Variants in ASIC2 observed in about 807,000 individuals in gnomAD.
The protein encoded by ASIC2 is acid-sensing ion channel 2.
Under a neutral mutation model 57.3 loss-of-function variants are expected in ASIC2, and 25 were observed. That is an observed-to-expected ratio of 0.44 (90% CI 0.32 to 0.61). ASIC2 has a LOEUF of 0.61. Ranked by LOEUF, ASIC2 falls within the 20% of genes least tolerant of loss-of-function variation. The pLI, the probability that ASIC2 is intolerant of heterozygous loss-of-function variation, is 0.06. For missense variants in ASIC2, 641 were observed against 738.1 expected (o/e 0.87, Z 1.52); for synonymous variants, 319 against 307.5 (o/e 1.04, Z -0.39).
At chr17:33,811,766 G>T (rs899940032) in intron 1 of ASIC2, among the ~76,000 whole-genome samples, 3 of 152,168 alleles carry the variant, frequency 2.0e-5, no homozygotes, top group Non-Finnish European at 4.4e-5. Context: ...CTTGCCTAAG[G>T]TTTCCCTGCT....
intron 1 of ASIC2, among the ~76,000 whole-genome samples, chr17:33,356,706 C>T (rs1908387277): frequency 6.6e-6 from 1 of 152,170 alleles, no homozygotes; most frequent in African/African-American, 2.4e-5. Flanking sequence ...CCTGGCTGCA[C>T]AATTTGGATG....
chr17:33,902,541 C>T (rs1297263849), intron 1 of ASIC2, among the ~76,000 whole-genome samples: 2 of 152,208 alleles, frequency 1.3e-5, no homozygotes, highest in African/African-American at 4.8e-5. Context: ...ACATCTTTGT[C>T]CTTGTGGCTC....
At chr17:33,958,618 G>C (rs1366661762) in intron 1 of ASIC2, among the ~76,000 whole-genome samples, 2 of 152,146 alleles carry the variant, frequency 1.3e-5, no homozygotes, top group African/African-American at 2.4e-5. Context: ...ACCATGTCCA[G>C]AGGCTGCACA....
chr17:33,348,182 C>T (rs534779725), intron 1 of ASIC2, among the ~76,000 whole-genome samples: 13 of 152,094 alleles, frequency 8.5e-5, no homozygotes, highest in South Asian at 2.1e-4. Flanking sequence ...GGACCTTCTA[C>T]GTGGATTTAG....
In ASIC2 at chr17:33,034,457, A is replaced by G. The variant is rs973612554; in HGVS notation, c.988-6065T>C. Reference sequence around the variant, plus strand: ...GGCTACAGTGAGCTATGATTGTGCCACTGCACTCCAGCCTGGGTGACAGAG... The same window carrying G: ...GGCTACAGTGAGCTATGATTGTGCCGCTGCACTCCAGCCTGGGTGACAGAG... On this transcript the variant is annotated intron_variant, in intron 3 of 9. Transcript: ENST00000225823. 5.3e-5 allele frequency among the ~76,000 whole-genome samples: 8 copies of G among 152,346 alleles called. No individual in the cohort carries two copies. The South Asian group carries it at 1.5e-3, about 28-fold the overall frequency.
intron 1 of ASIC2, among the ~76,000 whole-genome samples, chr17:34,065,933 T>C (rs898608151): frequency 6.6e-6 from 1 of 152,140 alleles, no homozygotes; most frequent in Non-Finnish European, 1.5e-5. Context: ...TCCTAGAAAC[T>C]TATTTAATCC....
At chr17:34,104,126 T>C (rs911519349) in intron 1 of ASIC2, among the ~76,000 whole-genome samples, 14 of 152,192 alleles carry the variant, frequency 9.2e-5, no homozygotes, top group Admixed American at 6.5e-4. Context: ...CTCTTTAACT[T>C]TTCTCAGCAA....
chr17:33,462,832 C>G (rs988502164), intron 1 of ASIC2, among the ~76,000 whole-genome samples: 9 of 152,156 alleles, frequency 5.9e-5, no homozygotes, highest in Non-Finnish European at 1.2e-4. Context: ...GTTAGTGTTT[C>G]CCTGCTAGGC....
chr17:33,122,823 C>T (rs990063577), intron 1 of ASIC2, among the ~76,000 whole-genome samples: 1 of 152,176 alleles, frequency 6.6e-6, no homozygotes, highest in East Asian at 1.9e-4. Flanking sequence ...CATTCCCTGT[C>T]CATCCCCCTG....
At chr17:33,298,516 G>A (rs1250093596) in intron 1 of ASIC2, among the ~76,000 whole-genome samples, 1 of 152,190 alleles carries the variant, frequency 6.6e-6, no homozygotes, top group Non-Finnish European at 1.5e-5. Context: ...CTTTGGGTTG[G>A]TTCCAAGTCT....
intron 1 of ASIC2, chr17:34,071,142 T>G (rs1006249241): frequency 7.4e-6 from 1 of 135,304 alleles, no homozygotes; most frequent in African/African-American, 3.0e-5. Flanking sequence ...TGATGAATTG[T>G]GATTAGGCCA....
chr17:33,355,442 G>C (rs1177674237), intron 1 of ASIC2, among the ~76,000 whole-genome samples: 1 of 151,880 alleles, frequency 6.6e-6, no homozygotes, highest in Admixed American at 6.6e-5. Context: ...CAGTAAAGCA[G>C]TGCCTAGGTT....
chr17:34,047,577 CCT>C (rs1303482618), intron 1 of ASIC2, among the ~76,000 whole-genome samples: 6 of 151,554 alleles, frequency 4.0e-5, no homozygotes, highest in African/African-American at 7.3e-5. Flanking sequence ...ATTTCCCACC[CCT>C]GATTATATCC....
intron 1 of ASIC2, among the ~76,000 whole-genome samples, chr17:33,972,836 A>G (rs936831199): frequency 6.6e-6 from 1 of 152,242 alleles, no homozygotes; most frequent in African/African-American, 2.4e-5. Flanking sequence ...GCAGACAATG[A>G]AAGAGTCCCA....
chr17:33,432,148 C>T (rs1454828141), intron 1 of ASIC2, among the ~76,000 whole-genome samples: 2 of 152,174 alleles, frequency 1.3e-5, no homozygotes. Flanking sequence ...TCTGCCTCTG[C>T]CACCCCTGAG....
chr17:33,381,507 G>A (rs1025159870), intron 1 of ASIC2, among the ~76,000 whole-genome samples: 2 of 152,240 alleles, frequency 1.3e-5, no homozygotes, highest in Non-Finnish European at 2.9e-5. Flanking sequence ...CAGGAGGATA[G>A]GGAAAATGCT....
chr17:33,229,433 C>T (rs947842298), intron 1 of ASIC2, among the ~76,000 whole-genome samples: 1 of 152,060 alleles, frequency 6.6e-6, no homozygotes, highest in Non-Finnish European at 1.5e-5. Context: ...GTGCCCTAGC[C>T]GATGTCTGCA....
intron 1 of ASIC2, among the ~76,000 whole-genome samples, chr17:33,878,496 A>G (rs540839218): frequency 1.7e-3 from 256 of 152,370 alleles, no homozygotes; most frequent in Middle Eastern, 6.8e-3. Context: ...CAACTGGAAG[A>G]AAGGAGATCA....
At chr17:33,378,743 T>A (rs1909370591) in intron 1 of ASIC2, among the ~76,000 whole-genome samples, 1 of 152,224 alleles carries the variant, frequency 6.6e-6, no homozygotes, top group African/African-American at 2.4e-5. Context: ...TTCATATCAG[T>A]GGATGTTTCT....
Sources: allele counts gnomAD v4.1 joint callset (sites outside exome capture counted in the v4.1 genomes callset), GRCh38; gene constraint gnomAD v4.1.1; transcripts MANE v1.5; gene names NCBI Gene and HGNC (gene_info 2026-07-23, HGNC 2026-07-21).